Variants in CERKL observed in about 807,000 individuals in gnomAD.
CERKL encodes the protein ceramide kinase-like protein.
In CERKL, 61 loss-of-function variants were observed where a neutral mutation model predicts 63.4. The observed-to-expected ratio is 0.96, with a 90% confidence interval of 0.78 to 1.19. CERKL has a LOEUF of 1.19. Among genes scored for constraint, CERKL ranks in the 50% most tolerant of loss-of-function variants. The pLI is 0.00. For missense variants in CERKL, 675 were observed against 655.5 expected, an observed-to-expected ratio of 1.03 and a Z score of -0.33; for synonymous variants, 250 against 230.5, an observed-to-expected ratio of 1.08 and a Z score of -0.77.
chr2:181,641,326 T>C (rs200618531), intron 1 of CERKL, among the ~76,000 whole-genome samples: 3 of 19,642 alleles, frequency 1.5e-4, no homozygotes, highest in East Asian at 1.0e-3. Context: ...TATATATATA[T>C]ATATATATAT....
At chr2:181,564,708 T>A (rs772078224) in intron 4 of CERKL, among the ~76,000 whole-genome samples, 1 of 152,178 alleles carries the variant, frequency 6.6e-6, no homozygotes, top group Non-Finnish European at 1.5e-5. Context: ...ATCTTTATTC[T>A]CATTCTTTAA....
In CERKL at chr2:181,547,858, G is replaced by T; in HGVS notation, c.1134-11C>A. ...GATCCCTGTGCCCTCCTAAAAGAAA[G>T]AAAACAAAACAAAGACATAAAACAG... is the stretch of plus-strand genomic sequence containing the variant. On this transcript the variant is annotated splice_polypyrimidine_tract_variant and intron_variant, in intron 8 of 12. Coordinates refer to ENST00000410087, the MANE Select transcript of CERKL (RefSeq NM_201548.5). 1 of 1,613,450 alleles carries T rather than the reference G, an allele frequency of 6.2e-7. No individual in the cohort carries two copies. The highest frequency in any genetic ancestry group is 1.1e-5 in the South Asian group (1 of 91,066).
chr2:181,547,548 A>T, intron 10 of CERKL, 70 bp downstream of exon 10: 1 of 1,217,072 alleles, frequency 8.2e-7, no homozygotes, highest in Non-Finnish European at 1.2e-6. Context: ...ACCAACAGTT[A>T]ATTGGATACC....
At chr2:181,625,827 CAG>C (rs1258784041) in intron 1 of CERKL, among the ~76,000 whole-genome samples, 1 of 152,148 alleles carries the variant, frequency 6.6e-6, no homozygotes, top group African/African-American at 2.4e-5. Flanking sequence ...GTTAGAGAAA[CAG>C]GGGCAAACAA....
intron 1 of CERKL, among the ~76,000 whole-genome samples, chr2:181,636,400 G>T (rs949501006): frequency 6.6e-6 from 1 of 151,720 alleles, no homozygotes; most frequent in Non-Finnish European, 1.5e-5. Context: ...TGATCTGCTG[G>T]ATCAGCCATC....
chr2:181,543,663 A>C (rs1574431472), intron 11 of CERKL, among the ~76,000 whole-genome samples: 1 of 151,912 alleles, frequency 6.6e-6, no homozygotes, highest in Non-Finnish European at 1.5e-5. Context: ...TTATCTCCCA[A>C]CTCTATCCAA....
chr2:181,566,217 G>A (rs1295126940), intron 3 of CERKL, 96 bp from the exon 4 acceptor site: 2 of 886,674 alleles, frequency 2.3e-6, no homozygotes, highest in Admixed American at 3.5e-5. Flanking sequence ...ATAAACATAT[G>A]GTCAAGTCAT....
At chr2:181,578,516 T>C (rs1241701102) in intron 2 of CERKL, among the ~76,000 whole-genome samples, 1 of 150,066 alleles carries the variant, frequency 6.7e-6, no homozygotes, top group Non-Finnish European at 1.5e-5. Flanking sequence ...GCCAGGCTCA[T>C]CCTGAACTTG....
intron 4 of CERKL, among the ~76,000 whole-genome samples, chr2:181,560,651 T>TA (rs532726794): frequency 1.1e-3 from 171 of 152,182 alleles, no homozygotes; most frequent in African/African-American, 3.2e-3. Context: ...CATAGAAAGA[T>TA]AAAGTAACTT....
At chr2:181,598,130 T>C (rs1326938885) in intron 2 of CERKL, among the ~76,000 whole-genome samples, 1 of 152,052 alleles carries the variant, frequency 6.6e-6, no homozygotes, top group African/African-American at 2.4e-5. Flanking sequence ...TCAAGATGGC[T>C]CCACCCCTGC....
At position 181,538,160 on chromosome 2, in the gene CERKL, A is replaced by ATTTC; in HGVS notation, c.*20_*23dup. 6.8e-7 allele frequency: 1 copy of ATTTC among 1,467,174 alleles called. No individual in the cohort carries two copies. Among genetic ancestry groups the ATTTC allele is most frequent in the Non-Finnish European group, 9.5e-7 (1 of 1,048,890 alleles). 90.9% of individuals were successfully genotyped at this position (1,467,174 alleles called of 1,614,324 possible). On this transcript the variant is annotated 3_prime_UTR_variant, in exon 13 of 13. Transcript: ENST00000410087. ...TTTATATTAAAATTCTAGTTTGTAC[A>ATTTC]TTTCTTTTAGAAACAATTACATGTT...
chr2:181,537,119 A>T lies in CERKL; in HGVS notation c.*1065T>A, dbSNP rs752799265. The T allele has an allele frequency of 2.2e-6, 1 of 453,052 alleles. No homozygotes were observed. Among genetic ancestry groups the T allele is most frequent in the South Asian group, 1.6e-5 (1 of 64,314 alleles). The allele number at this position is 453,052 out of a possible 1,614,324, so 28.1% of individuals were successfully genotyped here. A position where few individuals can be genotyped will look rare whatever the true frequency, so the allele number is the denominator to read the frequency against. ...GGAATAAACTTTATGACATTTATGT[A>T]TTTTTAAAAAACTTTGTATCGTTAT... On this transcript the variant is annotated 3_prime_UTR_variant, in exon 13 of 13. Coordinates refer to ENST00000410087, the MANE Select transcript of CERKL (RefSeq NM_201548.5).
At position 181,653,720 on chromosome 2, in the gene CERKL, G is replaced by C. The variant is rs3910666; in HGVS notation, c.238+3049C>G. ...ATAAAAGGTTGATATAGATAAGGCA[G>C]AGATTAGAATAGTTACCAGAGACTG... On this transcript the variant is annotated intron_variant, in intron 1 of 12. Transcript: ENST00000410087. 5.8e-3 allele frequency among the ~76,000 whole-genome samples: 883 copies of C among 152,290 alleles called. 10 individuals are homozygous for C. The highest frequency in any genetic ancestry group is 0.021 in the African/African-American group (852 of 41,546).
chr2:181,610,510 G>C (rs960768330), intron 1 of CERKL, among the ~76,000 whole-genome samples: 1 of 152,128 alleles, frequency 6.6e-6, no homozygotes, highest in Non-Finnish European at 1.5e-5. Context: ...TCTTCAATAG[G>C]AGAATGGTTG....
intron 3 of CERKL, among the ~76,000 whole-genome samples, chr2:181,566,931 A>AT (rs1212239179): frequency 2.6e-5 from 4 of 152,126 alleles, no homozygotes; most frequent in Admixed American, 2.6e-4. Flanking sequence ...TTGCAGATGG[A>AT]TTTTTTGTGT....
At chr2:181,633,472 A>T (rs1483277248) in intron 1 of CERKL, among the ~76,000 whole-genome samples, 2 of 152,220 alleles carry the variant, frequency 1.3e-5, no homozygotes, top group East Asian at 3.8e-4. Context: ...TAGGTTTGGT[A>T]TCAAGTGTGA....
chr2:181,614,306 C>T (rs887854814), intron 1 of CERKL, among the ~76,000 whole-genome samples: 1 of 152,092 alleles, frequency 6.6e-6, no homozygotes, highest in East Asian at 1.9e-4. Context: ...TTTCAACCCC[C>T]ACTGCAAAAC....
In CERKL at chr2:181,648,648, C is replaced by T. The variant is rs369877787; in HGVS notation, c.238+8121G>A. ...ATGTATAAATCCAACTCAGAATTCC[C>T]CAGTGATATCATGTTACTATGTAAA... On this transcript the variant is annotated intron_variant, in intron 1 of 12. Transcript: ENST00000410087. 5.3e-5 allele frequency among the ~76,000 whole-genome samples: 8 copies of T among 152,222 alleles called. No individual in the cohort carries two copies. In the East Asian group the frequency reaches 1.4e-3, roughly 26 times the overall value.
chr2:181,571,888 T>A (rs1559083429), intron 3 of CERKL, among the ~76,000 whole-genome samples: 1 of 152,152 alleles, frequency 6.6e-6, no homozygotes, highest in East Asian at 1.9e-4. Context: ...TAATTCATCT[T>A]CAGGATTAAA....
Sources: gnomAD v4.1 joint callset for allele counts (sites outside exome capture counted in the v4.1 genomes callset) on GRCh38, gnomAD v4.1.1 for gene constraint, MANE v1.5 for transcripts, NCBI Gene and HGNC (gene_info 2026-07-23, HGNC 2026-07-21) for gene names.